PRDM2: variants seen among roughly 807,000 people sequenced by gnomAD.
PRDM2 encodes PR/SET domain 2.
In PRDM2, 30 loss-of-function variants were observed where a neutral mutation model predicts 130.0. The observed-to-expected ratio is 0.23, with a 90% CI of 0.17 to 0.31. PRDM2 has a LOEUF of 0.31. Among genes scored for constraint, PRDM2 ranks in the 10% least tolerant of loss-of-function variants. The pLI, the probability that PRDM2 is intolerant of heterozygous loss-of-function variation, is 1.00. For synonymous variants in PRDM2, 871 were observed against 782.4 expected, an observed-to-expected ratio of 1.11 and a Z score of -1.89; for missense variants, 2,011 against 2,108.4, an observed-to-expected ratio of 0.95 and a Z score of 0.90.
intron 9 of PRDM2, 80 bp from the exon 10 acceptor site, chr1:13,823,079 G>A: frequency 7.4e-7 from 1 of 1,346,190 alleles, no homozygotes; most frequent in Non-Finnish European, 1.0e-6. Flanking sequence ...ACAAAATTAA[G>A]TGCAATAACG....
intron 8 of PRDM2, among the ~76,000 whole-genome samples, chr1:13,804,907 CT>C (rs1645064729): frequency 6.6e-6 from 1 of 152,152 alleles, no homozygotes; most frequent in Non-Finnish European, 1.5e-5. Flanking sequence ...CCCCACCTGG[CT>C]TTGGGATATT....
rs149687713 is a variant in PRDM2 at position 13,706,580 on chromosome 1, G to T, written c.-66+6280G>T. On this transcript the variant is annotated intron_variant, in intron 1 of 9. Transcript: ENST00000311066. ...CAAGGTCAAGTTTAGATTTAACCTG[G>T]AACTAAGAGCCCCCAAGAACTGCCC... Among the ~76,000 whole-genome samples, 10 of 152,226 alleles carry T rather than the reference G, an allele frequency of 6.6e-5. No homozygotes were observed. The East Asian group carries it at 1.7e-3, about 26-fold the overall frequency.
intron 8 of PRDM2, among the ~76,000 whole-genome samples, chr1:13,792,764 C>T (rs533145379): frequency 3.9e-5 from 6 of 152,176 alleles, no homozygotes; most frequent in Non-Finnish European, 7.3e-5. Context: ...GTTGAGGATG[C>T]GCCTGGAGTG....
In PRDM2 at chr1:13,823,295, G is replaced by A. The variant is rs1201574121; in HGVS notation, c.*160G>A. 1.6e-6 allele frequency: 2 copies of A among 1,265,334 alleles called. No individual in the cohort carries two copies. The highest frequency in any genetic ancestry group is 2.3e-6 in the Non-Finnish European group (2 of 882,906). The allele number at this position is 1,265,334 out of a possible 1,614,324, so 78.4% of individuals were successfully genotyped here. A position where few individuals can be genotyped will look rare whatever the true frequency, so the allele number is the denominator to read the frequency against. On this transcript the variant is annotated 3_prime_UTR_variant, in exon 10 of 10. Coordinates refer to ENST00000311066, the MANE Select transcript of PRDM2 (RefSeq NM_001393986.1). ...CGCGCGTGCATGTGTGCGTGCGTGT[G>A]TGTTCACGTGTTCTCGTGCGGGCGC...
intron 8 of PRDM2, chr1:13,783,080 T>A: frequency 1.2e-6 from 1 of 867,928 alleles, no homozygotes; most frequent in Middle Eastern, 2.3e-4. Context: ...GTAAATTGAA[T>A]TTAAAACTAT....
intron 6 of PRDM2, among the ~76,000 whole-genome samples, chr1:13,750,503 A>T (rs1643793123): frequency 6.6e-6 from 1 of 152,128 alleles, no homozygotes; most frequent in South Asian, 2.1e-4. Context: ...TGTGGAAGTC[A>T]TACTGTAAAT....
intron 7 of PRDM2, among the ~76,000 whole-genome samples, chr1:13,777,899 G>A (rs1043076390): frequency 2.6e-5 from 4 of 151,978 alleles, no homozygotes; most frequent in African/African-American, 9.7e-5. Context: ...AAATGTTCTA[G>A]CTTCTGAGAA....
chr1:13,726,693 T>A (rs917704257), intron 2 of PRDM2, among the ~76,000 whole-genome samples: 1 of 152,226 alleles, frequency 6.6e-6, no homozygotes, highest in Non-Finnish European at 1.5e-5. Flanking sequence ...AAATTTAACA[T>A]GTTAAATTTA....
intron 6 of PRDM2, among the ~76,000 whole-genome samples, chr1:13,765,134 CT>C (rs1553159033): frequency 6.6e-6 from 1 of 152,232 alleles, no homozygotes; most frequent in Non-Finnish European, 1.5e-5. Context: ...ACCCACCCCG[CT>C]GCAAACCTTT....
intron 3 of PRDM2, among the ~76,000 whole-genome samples, chr1:13,732,143 G>A (rs913630999): frequency 1.3e-5 from 2 of 152,092 alleles, no homozygotes; most frequent in African/African-American, 4.8e-5. Context: ...ATCGCTTTCC[G>A]TTATGGTCAG....
At chr1:13,818,379 CTTTT>C (rs70984285) in intron 9 of PRDM2, among the ~76,000 whole-genome samples, 8,181 of 128,016 alleles carry the variant, frequency 0.064, 694 homozygotes, top group African/African-American at 0.21. Context: ...TCTCTCTTTC[CTTTT>C]TTTTTTTTTT....
At chr1:13,722,244 C>A (rs1408335564) in intron 2 of PRDM2, among the ~76,000 whole-genome samples, 1 of 152,084 alleles carries the variant, frequency 6.6e-6, no homozygotes, top group African/African-American at 2.4e-5. Flanking sequence ...GAAAAGCCAG[C>A]GGTCGTTGCG....
chr1:13,760,109 T>C (rs1196831474), intron 6 of PRDM2, among the ~76,000 whole-genome samples: 1 of 152,198 alleles, frequency 6.6e-6, no homozygotes, highest in African/African-American at 2.4e-5. Flanking sequence ...AATTACTGTT[T>C]GTATGCCAAG....
chr1:13,782,896 T>C (rs759289462), intron 8 of PRDM2, 65 bp downstream of exon 8: 1 of 1,592,848 alleles, frequency 6.3e-7, no homozygotes, highest in Non-Finnish European at 8.5e-7. Flanking sequence ...CTACGGGTGT[T>C]TTTTGGTTTC....
rs1293960244 is a variant in PRDM2, at chr1:13,780,624, T to C, written c.2829T>C (p.Asp943=). The C allele has an allele frequency of 1.9e-6, 3 of 1,613,922 alleles. No homozygotes were observed. Among genetic ancestry groups the C allele is most frequent in the Non-Finnish European group, 2.5e-6 (3 of 1,179,926 alleles). The change falls in exon 8 of 10, where the codon GAT becomes GAC. Residue 943 remains aspartate, a synonymous_variant. Transcript: ENST00000311066. The part of the protein sequence containing the change: ...FPAPTVESTP[D]VCPSSPALQT... ...CCCCTACTGTTGAGTCCACACCTGA[T>C]GTTTGTCCTTCATCACCTGCCCTGC...
chr1:13,774,317 C>T (rs765008720), intron 7 of PRDM2, among the ~76,000 whole-genome samples: 2 of 152,106 alleles, frequency 1.3e-5, no homozygotes, highest in Non-Finnish European at 2.9e-5. Flanking sequence ...TATAGTGAGC[C>T]AAGTAGGCAA....
At chr1:13,725,993 G>T (rs1417290495) in intron 2 of PRDM2, among the ~76,000 whole-genome samples, 1 of 152,228 alleles carries the variant, frequency 6.6e-6, no homozygotes, top group African/African-American at 2.4e-5. Flanking sequence ...AGACCCTGAA[G>T]CGAGATTGTC....
At chr1:13,811,515 T>C (rs888670079) in intron 8 of PRDM2, among the ~76,000 whole-genome samples, 5 of 152,122 alleles carry the variant, frequency 3.3e-5, no homozygotes, top group South Asian at 4.1e-4. Flanking sequence ...GGGTGTGTGG[T>C]CCTGAGACCA....
intron 1 of PRDM2, among the ~76,000 whole-genome samples, chr1:13,702,621 C>G (rs763189597): frequency 6.6e-6 from 1 of 151,982 alleles, no homozygotes; most frequent in Non-Finnish European, 1.5e-5. Flanking sequence ...GATTATTTTA[C>G]GTTAGATGTT....
Sources: gnomAD v4.1 joint callset for allele counts (sites outside exome capture counted in the v4.1 genomes callset) on GRCh38, gnomAD v4.1.1 for gene constraint, MANE v1.5 for transcripts, NCBI Gene and HGNC (gene_info 2026-07-23, HGNC 2026-07-21) for gene names.